The following RHOBTB3 variants were observed in gnomAD, a reference collection of about 807,000 sequenced individuals.
RHOBTB3 encodes the protein Rho related BTB domain containing 3.
RHOBTB3 carries 47 observed loss-of-function variants against 67.2 expected under a neutral mutation model. The ratio of observed to expected loss-of-function variants is 0.70; its 90% CI spans 0.55 to 0.89. The LOEUF is 0.89. Ranked by LOEUF, RHOBTB3 falls within the 40% of genes least tolerant of loss-of-function variation. The probability of loss-of-function intolerance (pLI) is 0.00; values close to 1 mark genes in which losing one functional copy is unlikely to be tolerated. For synonymous variants in RHOBTB3, 273 were observed against 274.2 expected, an observed-to-expected ratio of 1.00 and a Z score of 0.04; for missense variants, 631 against 750.0, an observed-to-expected ratio of 0.84 and a Z score of 1.85.
chr5:95,794,635 G>A lies in RHOBTB3; in HGVS notation c.*1461G>A, dbSNP rs1280449874. 2 of 152,158 alleles carry A rather than the reference G, an allele frequency of 1.3e-5. No homozygotes were observed. The highest frequency in any genetic ancestry group is 2.9e-5 in the Non-Finnish European group (2 of 68,048). 9.4% of individuals were successfully genotyped at this position (152,158 alleles called of 1,614,324 possible). On this transcript the variant is annotated 3_prime_UTR_variant, in exon 12 of 12. Transcript: ENST00000379982. The stretch of plus-strand genomic sequence containing the variant: ...ATGGAAAAACAGATTACTGTCTATT[G>A]TCAGCATCATTTTCATCTGTAAGTC...
At chr5:95,735,802 T>C (rs900185363) in intron 2 of RHOBTB3, among the ~76,000 whole-genome samples, 1 of 152,188 alleles carries the variant, frequency 6.6e-6, no homozygotes, top group Non-Finnish European at 1.5e-5. Context: ...AAAAATTATA[T>C]GTAAAATATC....
intron 8 of RHOBTB3, among the ~76,000 whole-genome samples, chr5:95,775,241 A>G (rs1363969187): frequency 3.3e-5 from 5 of 151,884 alleles, no homozygotes; most frequent in Non-Finnish European, 7.4e-5. Context: ...AAAACCCAAA[A>G]TCCAAAATGC....
chr5:95,788,987 A>G (rs1746299527), intron 11 of RHOBTB3, 129 bp downstream of exon 11: 2 of 597,662 alleles, frequency 3.3e-6, no homozygotes, highest in Non-Finnish European at 5.6e-6. Context: ...CTTGTAAATT[A>G]TGCAGTGTGG....
chr5:95,741,544 T>TTTC (rs35452363), intron 3 of RHOBTB3, among the ~76,000 whole-genome samples: 1 of 123,156 alleles, frequency 8.1e-6, no homozygotes, highest in African/African-American at 3.2e-5. Context: ...TTTTTTTTTT[T>TTTC]AGAAACAGGA....
intron 1 of RHOBTB3, among the ~76,000 whole-genome samples, chr5:95,720,605 C>G (rs1368970300): frequency 2.6e-5 from 4 of 151,350 alleles, no homozygotes; most frequent in Non-Finnish European, 5.9e-5. Flanking sequence ...TGTGCTGAAA[C>G]AAAATGAAGC....
At chr5:95,739,996 T>G (rs1177346709) in intron 3 of RHOBTB3, among the ~76,000 whole-genome samples, 1 of 152,230 alleles carries the variant, frequency 6.6e-6, no homozygotes, top group Non-Finnish European at 1.5e-5. Context: ...AATCCCCATG[T>G]GTCATGGGAG....
Position 95,795,577 on chromosome 5 carries a change from G to A in RHOBTB3, c.*2403G>A, listed in dbSNP as rs1188373629. 6.6e-6 allele frequency: 1 copy of A among 152,222 alleles called. No homozygotes were observed. Among genetic ancestry groups the A allele is most frequent in the East Asian group, 1.9e-4 (1 of 5,198 alleles). 9.4% of individuals were successfully genotyped at this position (152,222 alleles called of 1,614,324 possible). On this transcript the variant is annotated 3_prime_UTR_variant, in exon 12 of 12. Transcript: ENST00000379982. ...AGTGGAGTTGGGTTTGGAAGCTGGT[G>A]CCCAGTTGGTGTGGAGTGTGTAGTT...
At chr5:95,731,044 G>A, upstream of RHOBTB3, 1 of 1,034,806 alleles carries the variant, frequency 9.7e-7, no homozygotes, top group Non-Finnish European at 1.2e-6. Flanking sequence ...CCTGGCTCTG[G>A]TTACGGCCTT....
rs901021461 is a variant in RHOBTB3, at chr5:95,795,874, A to G, written c.*2700A>G. 1.3e-5 allele frequency: 2 copies of G among 152,104 alleles called. No homozygotes were observed. The highest frequency in any genetic ancestry group is 3.2e-3 in the Middle Eastern group (1 of 316). The allele number at this position is 152,104 out of a possible 1,614,324, so 9.4% of individuals were successfully genotyped here. Reference sequence around the variant, plus strand: ...GTGCTTTGTGCTGGTTTCTGCTTCCATATATTTCCCAGTCATTTTAATTAG... The same window carrying G: ...GTGCTTTGTGCTGGTTTCTGCTTCCGTATATTTCCCAGTCATTTTAATTAG... On this transcript the variant is annotated 3_prime_UTR_variant, in exon 12 of 12. Coordinates refer to ENST00000379982, the MANE Select transcript of RHOBTB3 (RefSeq NM_014899.4).
At chr5:95,752,424 A>T in intron 5 of RHOBTB3, 74 bp downstream of exon 5, 1 of 997,144 alleles carries the variant, frequency 1.0e-6, no homozygotes, top group Non-Finnish European at 1.5e-6. Flanking sequence ...TCTTAGAGCA[A>T]TTATTCTCAA....
chr5:95,772,007 AAAG>A (rs1335185063), intron 8 of RHOBTB3, among the ~76,000 whole-genome samples: 8 of 152,198 alleles, frequency 5.3e-5, no homozygotes, highest in Admixed American at 6.5e-5. Flanking sequence ...CTGCATTCTG[AAAG>A]AAGGAGAATG....
At chr5:95,753,510 T>C (rs558858079) in intron 5 of RHOBTB3, among the ~76,000 whole-genome samples, 1 of 152,336 alleles carries the variant, frequency 6.6e-6, no homozygotes, top group African/African-American at 2.4e-5. Context: ...TAGCACTTTG[T>C]TGGATCAATG....
At chr5:95,783,694 C>A (rs1305183980) in intron 9 of RHOBTB3, 103 bp from the exon 10 acceptor site, 4 of 938,558 alleles carry the variant, frequency 4.3e-6, no homozygotes, top group Non-Finnish European at 6.4e-6. Context: ...ATGCTACGGT[C>A]AGCATGTTTT....
At chr5:95,788,646 A>C in intron 10 of RHOBTB3, 116 bp from the exon 11 acceptor site, 1 of 657,200 alleles carries the variant, frequency 1.5e-6, no homozygotes, top group Non-Finnish European at 2.6e-6. Context: ...CATCAGGTAA[A>C]GGCACATTAA....
At chr5:95,739,052 C>G (rs1307270714) in intron 3 of RHOBTB3, among the ~76,000 whole-genome samples, 1 of 152,194 alleles carries the variant, frequency 6.6e-6, no homozygotes, top group Non-Finnish European at 1.5e-5. Context: ...ATCTGTTGTC[C>G]TGGCTTCTCC....
intron 11 of RHOBTB3, among the ~76,000 whole-genome samples, 183 bp from the exon 12 acceptor site, chr5:95,792,876 A>C (rs753181297): frequency 6.6e-6 from 1 of 152,192 alleles, no homozygotes; most frequent in Non-Finnish European, 1.5e-5. Context: ...GTCACATAAT[A>C]ACTTAAATCC....
At chr5:95,758,590 A>C (rs536335878) in intron 6 of RHOBTB3, among the ~76,000 whole-genome samples, 1 of 152,218 alleles carries the variant, frequency 6.6e-6, no homozygotes, top group African/African-American at 2.4e-5. Flanking sequence ...AGGGTGGAAC[A>C]GTGCGGCCAA....
chr5:95,731,291 CG>C, upstream of RHOBTB3: 2 of 1,031,206 alleles, frequency 1.9e-6, no homozygotes, highest in Non-Finnish European at 2.3e-6. Flanking sequence ...CCGATCTCCC[CG>C]ACCCCCCTTC....
intron 8 of RHOBTB3, chr5:95,770,037 GA>G: frequency 1.4e-5 from 5 of 366,230 alleles, no homozygotes; most frequent in Non-Finnish European, 2.2e-5. Context: ...CATAACACAG[GA>G]AAAGTTGGAG....
Sources: gnomAD v4.1 joint callset for allele counts (sites outside exome capture counted in the v4.1 genomes callset) on GRCh38, gnomAD v4.1.1 for gene constraint, MANE v1.5 for transcripts, NCBI Gene and HGNC (gene_info 2026-07-23, HGNC 2026-07-21) for gene names.